GALNT13: variants seen among roughly 807,000 people sequenced by gnomAD.
GALNT13 encodes polypeptide N-acetylgalactosaminyltransferase 13, also known as UDP-GalNAc:polypeptide N-acetylgalactosaminyltransferase 13.
A neutral mutation model predicts 64.2 loss-of-function variants in GALNT13; 28 were observed. That is an observed-to-expected ratio of 0.44 (90% CI 0.32 to 0.60). GALNT13 has a LOEUF of 0.60. Ranked by LOEUF, GALNT13 falls within the 20% of genes least tolerant of loss-of-function variation. The probability of loss-of-function intolerance (pLI) is 0.05; values close to 1 mark genes in which losing one functional copy is unlikely to be tolerated. For missense variants in GALNT13, 577 were observed against 669.8 expected, an observed-to-expected ratio of 0.86 and a Z score of 1.53; for synonymous variants, 214 against 224.6, an observed-to-expected ratio of 0.95 and a Z score of 0.42.
chr2:153,821,598 G>A, the GALNT13 span, among the ~76,000 whole-genome samples: 3 of 151,956 alleles, frequency 2.0e-5, no homozygotes, highest in African/African-American at 7.3e-5. Context: ...AATGTTAAGA[G>A]GAAAATTATA....
At chr2:154,303,851 C>T (rs1162418081) in intron 9 of GALNT13, among the ~76,000 whole-genome samples, 3 of 151,710 alleles carry the variant, frequency 2.0e-5, no homozygotes, top group African/African-American at 7.3e-5. Context: ...CTCTGCCTCC[C>T]GGTTCAAGGG....
chr2:153,592,810 C>G, the GALNT13 span: 2 of 152,266 alleles, frequency 1.3e-5, no homozygotes, highest in East Asian at 3.9e-4. Flanking sequence ...AACACACACC[C>G]CCAGTGGAGA....
intron 3 of GALNT13, among the ~76,000 whole-genome samples, chr2:154,091,385 A>G (rs1701801081): frequency 6.6e-6 from 1 of 152,006 alleles, no homozygotes; most frequent in Non-Finnish European, 1.5e-5. Flanking sequence ...AACATGGTCC[A>G]TTTTGAAAGG....
the GALNT13 span, among the ~76,000 whole-genome samples, chr2:153,699,397 T>A: frequency 2.6e-5 from 4 of 151,966 alleles, no homozygotes; most frequent in African/African-American, 9.7e-5. Flanking sequence ...AGAAAGATCA[T>A]AATTTGACAC....
the GALNT13 span, among the ~76,000 whole-genome samples, chr2:153,223,527 TAAA>T: frequency 6.6e-6 from 1 of 152,162 alleles, no homozygotes; most frequent in African/African-American, 2.4e-5. Flanking sequence ...TGAACATTTT[TAAA>T]AAACTGGAAA....
At chr2:153,707,969 C>T in the GALNT13 span, among the ~76,000 whole-genome samples, 1 of 151,906 alleles carries the variant, frequency 6.6e-6, no homozygotes, top group Non-Finnish European at 1.5e-5. Context: ...CTTATGGGCT[C>T]CATTAAATGA....
the GALNT13 span, among the ~76,000 whole-genome samples, chr2:153,592,041 C>A: frequency 6.7e-6 from 1 of 150,190 alleles, no homozygotes; most frequent in East Asian, 1.9e-4. Flanking sequence ...TTTTCAAAAG[C>A]AAACTGACAA....
chr2:153,327,378 T>A, the GALNT13 span, among the ~76,000 whole-genome samples: 1 of 152,170 alleles, frequency 6.6e-6, no homozygotes, highest in Non-Finnish European at 1.5e-5. Context: ...TTCTTCTGGA[T>A]AATATGCTGA....
At chr2:153,356,149 A>G in the GALNT13 span, among the ~76,000 whole-genome samples, 2 of 152,258 alleles carry the variant, frequency 1.3e-5, no homozygotes, top group African/African-American at 2.4e-5. Context: ...TCCATTTAGT[A>G]GACTCAATAA....
chr2:154,087,988 A>G (rs1258470800), intron 3 of GALNT13, among the ~76,000 whole-genome samples: 2 of 152,034 alleles, frequency 1.3e-5, no homozygotes, highest in Non-Finnish European at 2.9e-5. Flanking sequence ...TAAATAATGG[A>G]ATTTGTTATG....
chr2:154,259,923 G>C (rs1690600174), intron 8 of GALNT13, among the ~76,000 whole-genome samples: 1 of 151,920 alleles, frequency 6.6e-6, no homozygotes, highest in Non-Finnish European at 1.5e-5. Flanking sequence ...CATCACCCAG[G>C]CTGGAGTGGT....
intron 4 of GALNT13, among the ~76,000 whole-genome samples, chr2:154,165,447 G>A (rs549260629): frequency 4.6e-4 from 70 of 151,978 alleles, no homozygotes; most frequent in African/African-American, 1.6e-3. Context: ...ACATGCTTAC[G>A]CTTACAGCCT....
At chr2:153,745,661 A>G in the GALNT13 span, among the ~76,000 whole-genome samples, 1 of 152,176 alleles carries the variant, frequency 6.6e-6, no homozygotes, top group African/African-American at 2.4e-5. Context: ...TTCAAATATT[A>G]AGCATAGGTT....
At chr2:154,157,178 G>C (rs1479849658) in intron 4 of GALNT13, among the ~76,000 whole-genome samples, 2 of 151,936 alleles carry the variant, frequency 1.3e-5, no homozygotes. Flanking sequence ...GAGAAAAATA[G>C]ATGCAAAGAA....
the GALNT13 span, among the ~76,000 whole-genome samples, chr2:153,073,145 T>C: frequency 6.6e-6 from 1 of 152,176 alleles, no homozygotes; most frequent in Admixed American, 6.5e-5. Context: ...TTCAAAAAAA[T>C]GAGAACTGTT....
At chr2:154,032,018 CA>C (rs988995899) in intron 3 of GALNT13, among the ~76,000 whole-genome samples, 2 of 151,510 alleles carry the variant, frequency 1.3e-5, no homozygotes, top group Non-Finnish European at 3.0e-5. Flanking sequence ...AATATCAGAA[CA>C]GAAAAAAACT....
chr2:154,107,377 G>A (rs374176102), intron 3 of GALNT13, among the ~76,000 whole-genome samples: 11 of 151,896 alleles, frequency 7.2e-5, no homozygotes, highest in Non-Finnish European at 1.3e-4. Flanking sequence ...GGCAGATCAC[G>A]AGGTCAGATT....
chr2:154,204,958 T>A (rs186631720), intron 4 of GALNT13, among the ~76,000 whole-genome samples: 11 of 152,342 alleles, frequency 7.2e-5, no homozygotes, highest in African/African-American at 2.6e-4. Flanking sequence ...TTAGCCCTGA[T>A]GGCTAACATA....
chr2:154,130,996 G>A (rs761381820), intron 3 of GALNT13, among the ~76,000 whole-genome samples: 1 of 152,000 alleles, frequency 6.6e-6, no homozygotes, highest in Admixed American at 6.6e-5. Context: ...ATTTTTTTTG[G>A]CAAAATGGGA....
Sources: gnomAD v4.1 joint callset for allele counts (sites outside exome capture counted in the v4.1 genomes callset) on GRCh38, gnomAD v4.1.1 for gene constraint, MANE v1.5 for transcripts, NCBI Gene and HGNC (gene_info 2026-07-23, HGNC 2026-07-21) for gene names.